PHF14: variants seen among roughly 807,000 people sequenced by gnomAD.
PHF14 encodes the protein PHD finger protein 14.
A neutral mutation model predicts 117.9 loss-of-function variants in PHF14; 55 were observed. The ratio of observed to expected loss-of-function variants is 0.47; its 90% CI spans 0.38 to 0.58. The LOEUF (loss-of-function observed/expected upper bound fraction) is 0.58. PHF14 is among the 20% of genes least tolerant of loss of function. The pLI is 0.00. For missense variants in PHF14, 978 were observed against 1,122.2 expected, an observed-to-expected ratio of 0.87 and a Z score of 1.84; for synonymous variants, 409 against 368.6, an observed-to-expected ratio of 1.11 and a Z score of -1.26.
intron 17 of PHF14, among the ~76,000 whole-genome samples, chr7:11,145,028 G>A (rs896157595): frequency 6.6e-6 from 1 of 151,902 alleles, no homozygotes; most frequent in African/African-American, 2.4e-5. Flanking sequence ...ATGAATGATG[G>A]TGATGGTTTC....
At chr7:11,159,744 CTTAAAA>C (rs1277185864) in intron 17 of PHF14, among the ~76,000 whole-genome samples, 1 of 151,890 alleles carries the variant, frequency 6.6e-6, no homozygotes, top group Non-Finnish European at 1.5e-5. Context: ...CTACAAAGAT[CTTAAAA>C]TTAAAAGTTC....
In PHF14 at chr7:11,051,483, A is replaced by G. The variant is rs148262233; in HGVS notation, c.2313-129A>G. 431 of 688,920 alleles carry G rather than the reference A, an allele frequency of 6.3e-4. 2 individuals carry two copies. In the African/African-American group the frequency reaches 7.0e-3, roughly 11 times the overall value. 42.7% of individuals were successfully genotyped at this position (688,920 alleles called of 1,614,324 possible). A position where few individuals can be genotyped will look rare whatever the true frequency, so the allele number is the denominator to read the frequency against. ...TGAATGTTTTTTCATTATGTACCCT[A>G]TAATCACATTACCTGTGTATATTTT... On this transcript the variant is annotated intron_variant, in intron 13 of 17. Coordinates refer to ENST00000634607, the MANE Select transcript of PHF14 (RefSeq NM_001007157.2).
At chr7:11,141,868 C>G (rs1788409012) in intron 17 of PHF14, among the ~76,000 whole-genome samples, 1 of 138,012 alleles carries the variant, frequency 7.2e-6, no homozygotes, top group South Asian at 2.5e-4. Flanking sequence ...CTTTTTCTTA[C>G]TGTCTTATCT....
intron 16 of PHF14, among the ~76,000 whole-genome samples, chr7:11,077,238 A>G (rs1446320701): frequency 1.3e-5 from 2 of 152,070 alleles, no homozygotes; most frequent in East Asian, 1.9e-4. Context: ...CTCTGAATAT[A>G]TAGGCATAAT....
At chr7:11,042,355 A>C (rs574051790) in intron 12 of PHF14, among the ~76,000 whole-genome samples, 1 of 152,058 alleles carries the variant, frequency 6.6e-6, no homozygotes, top group African/African-American at 2.4e-5. Flanking sequence ...AACTAATGTG[A>C]AATGGGTTTT....
At chr7:11,160,878 T>A (rs1296528471) in intron 17 of PHF14, among the ~76,000 whole-genome samples, 2 of 152,224 alleles carry the variant, frequency 1.3e-5, no homozygotes, top group Non-Finnish European at 1.5e-5. Context: ...GTTTACTCTG[T>A]TTATAGTTTC....
chr7:11,105,115 A>T (rs1787215914), intron 16 of PHF14: 1 of 970,828 alleles, frequency 1.0e-6, no homozygotes, highest in South Asian at 4.8e-5. Flanking sequence ...TGTGTTCACA[A>T]TTCACTCATC....
intron 3 of PHF14, 24 bp downstream of exon 3, chr7:10,983,183 C>A (rs1212841754): frequency 3.8e-6 from 6 of 1,563,424 alleles, no homozygotes; most frequent in Admixed American, 1.8e-5. Context: ...ATTTTTATAT[C>A]TGTCTGTCTG....
At chr7:11,095,664 C>A (rs1786820725) in intron 16 of PHF14, among the ~76,000 whole-genome samples, 1 of 152,050 alleles carries the variant, frequency 6.6e-6, no homozygotes, top group African/African-American at 2.4e-5. Flanking sequence ...AAATTGTATT[C>A]ATTATCTACT....
Position 11,111,383 on chromosome 7 carries a change from C to G in PHF14, c.2688C>G (p.Gly896=), listed in dbSNP as rs769732229. The G allele has an allele frequency of 1.2e-6, 2 of 1,606,400 alleles. No homozygotes were observed. Among genetic ancestry groups the G allele is most frequent in the South Asian group, 2.2e-5 (2 of 89,926 alleles). The change falls in exon 17 of 18, where the codon GGC becomes GGG. Residue 896 remains glycine (G), a synonymous_variant. Transcript: ENST00000634607. ...AATGCAGACTCTGCTACCATTTTGG[C>G]TGTTTGGATCCTCCTTTGAAAAAGT... ...CDECRLCYHF[G]CLDPPLKKSP... is the part of the protein sequence containing the mutation.
intron 16 of PHF14, among the ~76,000 whole-genome samples, chr7:11,065,522 A>C (rs1256210391): frequency 6.6e-6 from 1 of 152,172 alleles, no homozygotes; most frequent in Non-Finnish European, 1.5e-5. Flanking sequence ...GAGCAAATTG[A>C]GTCACAAAAT....
At position 11,130,571 on chromosome 7, in the gene PHF14, T is replaced by C. The variant is rs1788065864; in HGVS notation, c.2772+19104T>C. On this transcript the variant is annotated intron_variant, in intron 17 of 17. Coordinates refer to ENST00000634607, the MANE Select transcript of PHF14 (RefSeq NM_001007157.2). This position sits in a 1 kb window ranked among gnomAD's most constrained non-coding sequence, Gnocchi z 4.2. ...TGGAGTTAAAACTACAGATTTCCCA[T>C]ATGCCCCCTCATCCCTTCCTCCTTC... Among the ~76,000 whole-genome samples the C allele has an allele frequency of 6.6e-6, 1 of 151,942 alleles. No individual in the cohort carries two copies. Among genetic ancestry groups the C allele is most frequent in the Non-Finnish European group, 1.5e-5 (1 of 67,896 alleles).
chr7:10,976,888 A>T (rs1207396799), intron 2 of PHF14, among the ~76,000 whole-genome samples: 1 of 149,446 alleles, frequency 6.7e-6, no homozygotes, highest in Non-Finnish European at 1.5e-5. Context: ...GGGAGCTTAA[A>T]TTTGTGATCT....
At chr7:11,059,263 T>C (rs1415968445) in intron 14 of PHF14, among the ~76,000 whole-genome samples, 2 of 152,152 alleles carry the variant, frequency 1.3e-5, no homozygotes, top group African/African-American at 4.8e-5. Context: ...CTTAAAAGAA[T>C]TGAAAACATG....
intron 7 of PHF14, 124 bp from the exon 8 acceptor site, chr7:11,035,516 A>G: frequency 1.9e-6 from 1 of 513,670 alleles, no homozygotes; most frequent in Non-Finnish European, 3.2e-6. Context: ...TATTTTTGTA[A>G]TTTATTAGAT....
At chr7:11,140,032 C>G (rs1185529638) in intron 17 of PHF14, among the ~76,000 whole-genome samples, 1 of 152,076 alleles carries the variant, frequency 6.6e-6, no homozygotes, top group African/African-American at 2.4e-5. Flanking sequence ...ACATGTTACC[C>G]TGTAACACCT....
intron 17 of PHF14, among the ~76,000 whole-genome samples, chr7:11,150,655 A>G (rs1013596757): frequency 3.3e-5 from 5 of 152,116 alleles, no homozygotes; most frequent in Admixed American, 2.0e-4. Context: ...TATTTTTTCC[A>G]GAAAGCAGAA....
At chr7:11,164,779 C>G (rs1227582945) in intron 17 of PHF14, among the ~76,000 whole-genome samples, 2 of 152,206 alleles carry the variant, frequency 1.3e-5, no homozygotes, top group African/African-American at 4.8e-5. Flanking sequence ...GAGGCTGCTA[C>G]TACTCTAAGA....
chr7:11,034,752 T>C (rs534965191), intron 7 of PHF14, among the ~76,000 whole-genome samples: 14 of 152,076 alleles, frequency 9.2e-5, no homozygotes, highest in Non-Finnish European at 1.6e-4. Flanking sequence ...TTTTGCCGTG[T>C]TGGCCAGGCT....
Sources: gnomAD v4.1 joint callset for allele counts (sites outside exome capture counted in the v4.1 genomes callset) on GRCh38, gnomAD v4.1.1 for gene constraint, Gnocchi (gnomAD v3.1) non-coding constraint, MANE v1.5 for transcripts, NCBI Gene and HGNC (gene_info 2026-07-23, HGNC 2026-07-21) for gene names.